Variants in JMJD1C observed in about 807,000 individuals in gnomAD.
JMJD1C encodes jumonji domain-containing protein 1C.
A neutral mutation model predicts 245.3 loss-of-function variants in JMJD1C; 31 were observed. The ratio of observed to expected loss-of-function variants is 0.13; its 90% CI spans 0.09 to 0.17. JMJD1C has a LOEUF of 0.17. Among genes scored for constraint, JMJD1C ranks in the 10% least tolerant of loss-of-function variants. The pLI, the probability that JMJD1C is intolerant of heterozygous loss-of-function variation, is 1.00. For synonymous variants in JMJD1C, 1,057 were observed against 1,017.4 expected, an observed-to-expected ratio of 1.04 and a Z score of -0.74; for missense variants, 2,691 against 3,000.2, an observed-to-expected ratio of 0.90 and a Z score of 2.41.
chr10:63,248,553 A>AATAAATAAATAAATAC (rs1852593284), intron 3 of JMJD1C, among the ~76,000 whole-genome samples: 1 of 151,736 alleles, frequency 6.6e-6, no homozygotes, highest in African/African-American at 2.4e-5. Context: ...TAAATAAATA[A>AATAAATAAATAAATAC]ATAAATAAAT....
intron 2 of JMJD1C, among the ~76,000 whole-genome samples, chr10:63,267,997 C>G (rs1250044988): frequency 6.6e-6 from 1 of 151,962 alleles, no homozygotes; most frequent in African/African-American, 2.4e-5. Context: ...AAACACAACT[C>G]AGCTGCTCAA....
intron 2 of JMJD1C, among the ~76,000 whole-genome samples, chr10:63,306,772 C>T (rs1018565710): frequency 6.6e-5 from 10 of 151,984 alleles, no homozygotes; most frequent in Admixed American, 2.0e-4. Flanking sequence ...AGATAACAGA[C>T]GTTTTCAAAA....
At chr10:63,174,210 C>A (rs1842660563) in intron 24 of JMJD1C, among the ~76,000 whole-genome samples, 1 of 152,170 alleles carries the variant, frequency 6.6e-6, no homozygotes, top group African/African-American at 2.4e-5. Flanking sequence ...AAATAAAAAT[C>A]TTTGTTCACA....
chr10:63,176,119 A>C (rs947674215), intron 24 of JMJD1C, among the ~76,000 whole-genome samples, 178 bp downstream of exon 24: 1 of 152,202 alleles, frequency 6.6e-6, no homozygotes. Flanking sequence ...TAAAATCTTA[A>C]GGAAATTATG....
At chr10:63,411,989 G>A (rs1258196784) in intron 1 of JMJD1C, among the ~76,000 whole-genome samples, 2 of 145,742 alleles carry the variant, frequency 1.4e-5, no homozygotes, top group Non-Finnish European at 3.0e-5. Flanking sequence ...GAGAACTCCT[G>A]AGCTCCAGCT....
intron 2 of JMJD1C, among the ~76,000 whole-genome samples, chr10:63,272,763 T>C (rs1363468061): frequency 6.6e-6 from 1 of 152,240 alleles, no homozygotes; most frequent in Admixed American, 6.5e-5. Context: ...TTAAGTACTT[T>C]AGTACATTTC....
At chr10:63,194,870 A>C (rs1004204803) in intron 13 of JMJD1C, among the ~76,000 whole-genome samples, 2 of 152,244 alleles carry the variant, frequency 1.3e-5, no homozygotes, top group African/African-American at 4.8e-5. Flanking sequence ...GCTATTGCTG[A>C]CTTCAAATAA....
intron 1 of JMJD1C, among the ~76,000 whole-genome samples, chr10:63,509,602 C>G (rs1035034625): frequency 6.6e-6 from 1 of 152,174 alleles, no homozygotes; most frequent in African/African-American, 2.4e-5. Flanking sequence ...CAGGCCTATT[C>G]AGATTGTCTA....
At chr10:63,390,421 TG>T (rs1252137810) in intron 1 of JMJD1C, among the ~76,000 whole-genome samples, 1 of 152,164 alleles carries the variant, frequency 6.6e-6, no homozygotes, top group Non-Finnish European at 1.5e-5. Flanking sequence ...CAGGATCAGA[TG>T]GCCCCACTGC....
At chr10:63,236,170 G>A (rs1381064921) in intron 3 of JMJD1C, among the ~76,000 whole-genome samples, 1 of 152,028 alleles carries the variant, frequency 6.6e-6, no homozygotes, top group Non-Finnish European at 1.5e-5. Context: ...CTATTAACTA[G>A]CTTTTTTATT....
chr10:63,415,285 T>C (rs925547515), intron 1 of JMJD1C, among the ~76,000 whole-genome samples: 6 of 150,254 alleles, frequency 4.0e-5, no homozygotes, highest in Admixed American at 6.6e-5. Context: ...ATTTAAAAGC[T>C]GCCAGTTTAC....
chr10:63,226,210 T>C (rs910152654), intron 3 of JMJD1C, among the ~76,000 whole-genome samples: 1 of 152,142 alleles, frequency 6.6e-6, no homozygotes, highest in Non-Finnish European at 1.5e-5. Context: ...CATATAGAAA[T>C]AGTCAAATAC....
At chr10:63,178,791 G>T (rs1226893159) in intron 22 of JMJD1C, among the ~76,000 whole-genome samples, 1 of 152,132 alleles carries the variant, frequency 6.6e-6, no homozygotes, top group East Asian at 1.9e-4. Flanking sequence ...AAAAACTTTA[G>T]AAGTGTACAA....
At chr10:63,193,958 G>A (rs759412893) in intron 14 of JMJD1C, among the ~76,000 whole-genome samples, 60 of 152,284 alleles carry the variant, frequency 3.9e-4, no homozygotes, top group East Asian at 1.5e-3. Flanking sequence ...GAGCCACTGC[G>A]CCCAGCCAAA....
At chr10:63,311,198 C>T (rs1939137401) in intron 2 of JMJD1C, among the ~76,000 whole-genome samples, 1 of 149,312 alleles carries the variant, frequency 6.7e-6, no homozygotes, top group Admixed American at 6.7e-5. Flanking sequence ...TGATGAAACC[C>T]CGGCTCTATT....
chr10:63,305,374 A>AAT (rs1937913613), intron 2 of JMJD1C, among the ~76,000 whole-genome samples: 1 of 87,060 alleles, frequency 1.1e-5, no homozygotes. Context: ...CTCAAAAAAA[A>AAT]AACAAAAAAC....
At chr10:63,403,936 C>CA (rs969949058) in intron 1 of JMJD1C, among the ~76,000 whole-genome samples, 6 of 148,994 alleles carry the variant, frequency 4.0e-5, no homozygotes, top group East Asian at 4.0e-4. Flanking sequence ...ACTCTTGTCT[C>CA]AAAAAAAACA....
At chr10:63,398,140 GTTTCCCAGGTTGGGTTGT>G (rs1318441841) in intron 1 of JMJD1C, among the ~76,000 whole-genome samples, 2 of 152,124 alleles carry the variant, frequency 1.3e-5, no homozygotes, top group African/African-American at 4.8e-5. Context: ...CAGTATTCAA[GTTTCCCAGGTTGGGTTGT>G]TTGTTTTTCT....
At chr10:63,426,313 T>C (rs1330530659) in intron 1 of JMJD1C, among the ~76,000 whole-genome samples, 1 of 151,994 alleles carries the variant, frequency 6.6e-6, no homozygotes. Flanking sequence ...GAGCTATGAA[T>C]ACCACTGCAC....
Sources: allele counts gnomAD v4.1 joint callset (sites outside exome capture counted in the v4.1 genomes callset), GRCh38; gene constraint gnomAD v4.1.1; transcripts MANE v1.5; gene names NCBI Gene and HGNC (gene_info 2026-07-23, HGNC 2026-07-21).